The following BIN3 variants were observed in gnomAD, a reference collection of about 807,000 sequenced individuals.
BIN3 encodes bridging integrator 3.
BIN3 carries 41 observed loss-of-function variants against 38.2 expected under a neutral mutation model. The ratio of observed to expected loss-of-function variants is 1.07; its 90% CI spans 0.84 to 1.39. The LOEUF is 1.39. Among genes scored for constraint, BIN3 ranks in the 40% most tolerant of loss-of-function variants. The probability of loss-of-function intolerance (pLI) is 0.00; values close to 1 mark genes in which losing one functional copy is unlikely to be tolerated. For missense variants in BIN3, 361 were observed against 324.3 expected (o/e 1.11, Z -0.87); for synonymous variants, 145 against 122.6 (o/e 1.18, Z -1.21).
intron 6 of BIN3, among the ~76,000 whole-genome samples, chr8:22,626,727 C>T (rs796489232): frequency 9.2e-5 from 14 of 152,312 alleles, no homozygotes; most frequent in African/African-American, 3.4e-4. Flanking sequence ...GAGGGCATCA[C>T]AGCGTGAAGC....
At chr8:22,630,287 C>T (rs1292038791) in intron 5 of BIN3, among the ~76,000 whole-genome samples, 155 bp downstream of exon 5, 1 of 152,214 alleles carries the variant, frequency 6.6e-6, no homozygotes, top group African/African-American at 2.4e-5. Flanking sequence ...CTGGAAAGAG[C>T]CCTGTGGGCT....
chr8:22,642,330 G>T (rs1802589780), intron 2 of BIN3, among the ~76,000 whole-genome samples: 1 of 151,922 alleles, frequency 6.6e-6, no homozygotes, highest in African/African-American at 2.4e-5. Flanking sequence ...CCTGTTTTGG[G>T]GGCCGGGAGG....
chr8:22,652,143 C>T (rs973543617), intron 1 of BIN3, among the ~76,000 whole-genome samples: 10 of 152,070 alleles, frequency 6.6e-5, no homozygotes, highest in African/African-American at 9.7e-5. Context: ...AAAGTTTCTT[C>T]TTCCCTTTAT....
intron 2 of BIN3, among the ~76,000 whole-genome samples, chr8:22,643,186 T>C (rs1308998947): frequency 6.6e-6 from 1 of 152,214 alleles, no homozygotes; most frequent in African/African-American, 2.4e-5. Context: ...TCCCACTTCC[T>C]GCAGCCGGCT....
At chr8:22,636,642 A>T in intron 3 of BIN3, 56 bp from the exon 4 acceptor site, 1 of 1,519,706 alleles carries the variant, frequency 6.6e-7, no homozygotes, top group Non-Finnish European at 8.9e-7. Context: ...TACCTGAGCG[A>T]AGCCCAGGTG....
chr8:22,624,092 G>A (rs146584939), intron 7 of BIN3, 43 bp from the exon 8 acceptor site: 1 of 1,604,124 alleles, frequency 6.2e-7, no homozygotes, highest in East Asian at 2.2e-5. Context: ...TCACTGCTGG[G>A]TGCCGGATAC....
At chr8:22,644,887 T>C in intron 1 of BIN3, 84 bp from the exon 2 acceptor site, 1 of 1,273,046 alleles carries the variant, frequency 7.9e-7, no homozygotes, top group Non-Finnish European at 1.1e-6. Context: ...CAGGCCACTT[T>C]CCCCCAGGAG....
intron 4 of BIN3, among the ~76,000 whole-genome samples, chr8:22,632,646 AT>A (rs1203653948): frequency 6.6e-6 from 1 of 152,054 alleles, no homozygotes; most frequent in African/African-American, 2.4e-5. Context: ...TCTTAAAAAA[AT>A]ATCTGAGGAA....
At chr8:22,654,233 G>A (rs1295741915) in intron 1 of BIN3, among the ~76,000 whole-genome samples, 1 of 152,124 alleles carries the variant, frequency 6.6e-6, no homozygotes, top group Non-Finnish European at 1.5e-5. Flanking sequence ...CTGAACTATG[G>A]ATTTATGCCT....
In BIN3 at chr8:22,621,201, T is replaced by G. The variant is rs1221421155; in HGVS notation, c.*221A>C. On this transcript the variant is annotated 3_prime_UTR_variant, in exon 9 of 9. Transcript: ENST00000276416. Reference sequence around the variant, plus strand: ...TCTCCAAATAAAAAAGCCCCAAGGGTTTGTCTACACTGCTTACCTGCTGGG... The same window carrying G: ...TCTCCAAATAAAAAAGCCCCAAGGGGTTGTCTACACTGCTTACCTGCTGGG... 1.7e-6 allele frequency: 1 copy of G among 585,964 alleles called. No individual in the cohort carries two copies. The highest frequency in any genetic ancestry group is 3.0e-6 in the Non-Finnish European group (1 of 336,376). 36.3% of individuals were successfully genotyped at this position (585,964 alleles called of 1,614,324 possible).
chr8:22,657,745 T>C (rs1394949163), intron 1 of BIN3, among the ~76,000 whole-genome samples: 5 of 152,250 alleles, frequency 3.3e-5, no homozygotes, highest in African/African-American at 1.2e-4. Flanking sequence ...GCAACACAAC[T>C]GCACTTCAGC....
At chr8:22,651,834 T>C (rs1802904524) in intron 1 of BIN3, among the ~76,000 whole-genome samples, 1 of 152,264 alleles carries the variant, frequency 6.6e-6, no homozygotes, top group South Asian at 2.1e-4. Flanking sequence ...AATTTGGCAA[T>C]TTATAATCTT....
At chr8:22,652,151 T>G (rs1308818248) in intron 1 of BIN3, among the ~76,000 whole-genome samples, 1 of 152,188 alleles carries the variant, frequency 6.6e-6, no homozygotes, top group African/African-American at 2.4e-5. Context: ...TTCTTCCCTT[T>G]ATAGTTTCAG....
In BIN3 at chr8:22,621,359, T is replaced by C; in HGVS notation, c.*63A>G. 4.5e-6 allele frequency: 7 copies of C among 1,553,864 alleles called. No homozygotes were observed. The highest frequency in any genetic ancestry group is 1.9e-5 in the Admixed American group (1 of 52,436). ...AGCCTGTGAGAGGAGCAGCTAGCCCTGAGAAGGGCAAGGATGAATGAGGCT... is the reference window on the plus strand; with the variant it reads ...AGCCTGTGAGAGGAGCAGCTAGCCCCGAGAAGGGCAAGGATGAATGAGGCT... On this transcript the variant is annotated 3_prime_UTR_variant, in exon 9 of 9. Coordinates refer to ENST00000276416, the MANE Select transcript of BIN3 (RefSeq NM_018688.6).
intron 6 of BIN3, among the ~76,000 whole-genome samples, chr8:22,628,971 G>A (rs919750911): frequency 1.3e-5 from 2 of 152,242 alleles, no homozygotes; most frequent in African/African-American, 4.8e-5. Flanking sequence ...TGGGGGGCCA[G>A]GGCCGGAGCC....
chr8:22,632,691 G>A lies in BIN3; in HGVS notation c.161-2113C>T, dbSNP rs369302474. On this transcript the variant is annotated intron_variant, in intron 4 of 8. Transcript: ENST00000276416. Reference sequence around the variant, plus strand: ...AAAAAGCCAGAGGAGCGAGGACACGGTCTTTCCACTTTCCTTTTTTTTTTT... The same window carrying A: ...AAAAAGCCAGAGGAGCGAGGACACGATCTTTCCACTTTCCTTTTTTTTTTT... Among the ~76,000 whole-genome samples, 10 of 143,778 alleles carry A rather than the reference G, an allele frequency of 7.0e-5. No homozygotes were observed. The East Asian group carries it at 1.0e-3, about 15-fold the overall frequency. The allele number at this position is 143,778 out of a possible 152,430, so 94.3% of individuals were successfully genotyped here.
intron 1 of BIN3, among the ~76,000 whole-genome samples, chr8:22,666,612 C>T (rs1296316158): frequency 3.3e-5 from 5 of 152,042 alleles, no homozygotes; most frequent in Non-Finnish European, 7.4e-5. Context: ...ACCCACTAAA[C>T]AAACAGGGGG....
rs747942036 is a variant in BIN3, at chr8:22,629,991, T to C, written c.311A>G (p.Gln104Arg). Residue 104 changes from glutamine (Q) to arginine (R), a missense_variant, in exon 6 of 9, where the codon CAG becomes CGG. Coordinates refer to ENST00000276416, the MANE Select transcript of BIN3 (RefSeq NM_018688.6). ...AFNQEKVNQI[Q>R]KTVIEPLKKF... is the part of the protein sequence containing the mutation. ...TTTTAAGGGCTCGATCACAGTCTTC[T>C]GGATCTGGTTCACCTGTCAAAGAAA... is the stretch of plus-strand genomic sequence containing the variant. 1.2e-5 allele frequency: 19 copies of C among 1,609,676 alleles called. No homozygotes were observed. Among genetic ancestry groups the C allele is most frequent in the Admixed American group, 1.0e-4 (6 of 59,442 alleles).
chr8:22,643,824 C>T (rs1490878756), intron 2 of BIN3, among the ~76,000 whole-genome samples: 1 of 152,282 alleles, frequency 6.6e-6, no homozygotes, highest in Non-Finnish European at 1.5e-5. Context: ...GCCGCCAGCA[C>T]AGCACCGGAC....
Sources: gnomAD v4.1 joint callset for allele counts (sites outside exome capture counted in the v4.1 genomes callset) on GRCh38, gnomAD v4.1.1 for gene constraint, MANE v1.5 for transcripts, NCBI Gene and HGNC (gene_info 2026-07-23, HGNC 2026-07-21) for gene names.